Variants in AMPH observed in about 807,000 individuals in gnomAD.
AMPH encodes amphiphysin (Stiff-Mann syndrome with breast cancer 128kD autoantigen).
A neutral mutation model predicts 99.1 loss-of-function variants in AMPH; 49 were observed. The observed-to-expected ratio is 0.49, with a 90% CI of 0.39 to 0.63. AMPH has a LOEUF of 0.63. Ranked by LOEUF, AMPH falls within the 20% of genes least tolerant of loss-of-function variation. The probability of loss-of-function intolerance (pLI) is 0.00; values close to 1 mark genes in which losing one functional copy is unlikely to be tolerated. For synonymous variants in AMPH, 314 were observed against 317.3 expected, an observed-to-expected ratio of 0.99 and a Z score of 0.11; for missense variants, 759 against 863.4, an observed-to-expected ratio of 0.88 and a Z score of 1.52.
At position 38,603,902 on chromosome 7, in the gene AMPH, A is replaced by G. The variant is rs1793341771; in HGVS notation, c.69+27381T>C. The stretch of plus-strand genomic sequence containing the variant: ...AGCAAAAATAAGAAAAGAGATGCAC[A>G]TTTTGACAAATCTGACAAACATGTG... On this transcript the variant is annotated intron_variant, in intron 1 of 20. Coordinates refer to ENST00000356264, the MANE Select transcript of AMPH (RefSeq NM_001635.4). Among the ~76,000 whole-genome samples the G allele has an allele frequency of 4.6e-5, 7 of 152,270 alleles. No homozygotes were observed. The South Asian group carries it at 1.4e-3, about 31-fold the overall frequency.
At chr7:38,518,288 T>G (rs1261854387) in intron 2 of AMPH, among the ~76,000 whole-genome samples, 5 of 152,290 alleles carry the variant, frequency 3.3e-5, no homozygotes, top group African/African-American at 1.2e-4. Flanking sequence ...AGCAGAGGTG[T>G]CACAGAATCT....
intron 1 of AMPH, among the ~76,000 whole-genome samples, chr7:38,538,588 C>T (rs946918105): frequency 6.6e-6 from 1 of 152,246 alleles, no homozygotes; most frequent in East Asian, 1.9e-4. Flanking sequence ...GTCTGCACTC[C>T]TTGGTGACAA....
At position 38,463,103 on chromosome 7, in the gene AMPH, G is replaced by A. The variant is rs746826863; in HGVS notation, c.760C>T (p.Pro254Ser). 1 of 1,613,656 alleles carries A rather than the reference G, an allele frequency of 6.2e-7. No homozygotes were observed. Among genetic ancestry groups the A allele is most frequent in the African/African-American group, 1.3e-5 (1 of 75,028 alleles). The change falls in exon 10 of 21, where the codon CCT becomes TCT. Residue 254 changes from proline (P) to serine (S), a missense_variant. Physicochemically the swap from Pro to Ser is moderately conservative, Grantham distance 74 (BLOSUM62 -1). This residue lies in a region of AMPH where 554 missense variants were observed against 575.6 expected (regional missense o/e 0.96). Coordinates refer to ENST00000356264, the MANE Select transcript of AMPH (RefSeq NM_001635.4). The part of the protein sequence containing the change: ...TIQGAPSDSG[P>S]LRIAKTPSPP... ...GATGGTGTCTTTGCAATGCGGAGAG[G>A]ACCCGAATCACTAGAGGAACACAGG...
At chr7:38,514,517 C>T (rs4723764) in intron 2 of AMPH, among the ~76,000 whole-genome samples, 16,070 of 152,160 alleles carry the variant, frequency 0.11, 1,240 homozygotes, top group East Asian at 0.28. Context: ...ATTTAATTGC[C>T]GTTGTAACAG....
intron 1 of AMPH, among the ~76,000 whole-genome samples, chr7:38,558,670 T>C (rs1791452372): frequency 6.6e-6 from 1 of 152,158 alleles, no homozygotes; most frequent in Non-Finnish European, 1.5e-5. Flanking sequence ...TTAAGAGATA[T>C]AAAACAACAT....
rs1378503032 is a variant in AMPH, at chr7:38,571,116, AGT to A, written c.70-36107_70-36106del. Among the ~76,000 whole-genome samples the A allele has an allele frequency of 5.4e-5, 4 of 74,618 alleles. 1 individual carries two copies. The highest frequency in any genetic ancestry group is 9.0e-5 in the Non-Finnish European group (4 of 44,402). The allele number at this position is 74,618 out of a possible 152,430, so 49.0% of individuals were successfully genotyped here. A position where few individuals can be genotyped will look rare whatever the true frequency, so the allele number is the denominator to read the frequency against. Reference sequence around the variant, plus strand: ...ATTGAATATATATATTCATATATACAGTATATATGAATATATATATTTTTATA... The same window carrying A: ...ATTGAATATATATATTCATATATACAATATATGAATATATATATTTTTATA... On this transcript the variant is annotated intron_variant, in intron 1 of 20. Transcript: ENST00000356264.
chr7:38,510,619 C>T (rs1789501964), intron 2 of AMPH, among the ~76,000 whole-genome samples: 1 of 152,062 alleles, frequency 6.6e-6, no homozygotes, highest in Non-Finnish European at 1.5e-5. Context: ...GAGAACTTGC[C>T]CAAAGTCACA....
chr7:38,505,980 T>C (rs1354533781), intron 2 of AMPH, among the ~76,000 whole-genome samples: 1 of 152,212 alleles, frequency 6.6e-6, no homozygotes, highest in African/African-American at 2.4e-5. Flanking sequence ...GCTGTAGGAC[T>C]GTAGACAATG....
At chr7:38,560,927 T>C (rs1791532375) in intron 1 of AMPH, among the ~76,000 whole-genome samples, 1 of 152,234 alleles carries the variant, frequency 6.6e-6, no homozygotes, top group South Asian at 2.1e-4. Flanking sequence ...GGCTAAATGA[T>C]ATGTTATATT....
At chr7:38,418,877 T>C (rs1326463237) in intron 16 of AMPH, among the ~76,000 whole-genome samples, 3 of 152,136 alleles carry the variant, frequency 2.0e-5, no homozygotes, top group African/African-American at 4.8e-5. Context: ...AAGGCCTTTT[T>C]AGTTTTAAAA....
chr7:38,432,865 T>G (rs1025292655), intron 12 of AMPH, among the ~76,000 whole-genome samples: 1 of 152,160 alleles, frequency 6.6e-6, no homozygotes, highest in Non-Finnish European at 1.5e-5. Flanking sequence ...CCCTAAGACA[T>G]GAATGAATTA....
chr7:38,625,398 A>C (rs1384393238), intron 1 of AMPH, among the ~76,000 whole-genome samples: 1 of 152,218 alleles, frequency 6.6e-6, no homozygotes, highest in Non-Finnish European at 1.5e-5. Context: ...AAAATAAGCA[A>C]ATTTTTAAAG....
intron 3 of AMPH, among the ~76,000 whole-genome samples, chr7:38,497,539 T>C (rs1309950398): frequency 6.6e-6 from 1 of 152,230 alleles, no homozygotes; most frequent in African/African-American, 2.4e-5. Flanking sequence ...ACTTGTTGCA[T>C]AGATTGCACT....
intron 17 of AMPH, among the ~76,000 whole-genome samples, chr7:38,397,519 G>A (rs1367672552): frequency 1.3e-5 from 2 of 152,110 alleles, no homozygotes; most frequent in African/African-American, 4.8e-5. Flanking sequence ...AATAAAAATG[G>A]ATTAAATACT....
intron 9 of AMPH, chr7:38,464,106 G>A (rs757220422): frequency 1.2e-5 from 15 of 1,289,470 alleles, no homozygotes; most frequent in Non-Finnish European, 1.4e-5. Context: ...TTCTGCAGAG[G>A]AATGTTGAAA....
chr7:38,593,772 T>C (rs1792946079), intron 1 of AMPH, among the ~76,000 whole-genome samples: 1 of 152,198 alleles, frequency 6.6e-6, no homozygotes, highest in Non-Finnish European at 1.5e-5. Flanking sequence ...AGAGCTTGCA[T>C]TCAACTGGGT....
Position 38,461,155 on chromosome 7 carries a change from A to G in AMPH, c.1017+128T>C, listed in dbSNP as rs929424929. 3.6e-6 allele frequency: 4 copies of G among 1,109,076 alleles called. No homozygotes were observed. In the African/African-American group the frequency reaches 6.3e-5, roughly 17 times the overall value. 68.7% of individuals were successfully genotyped at this position (1,109,076 alleles called of 1,614,324 possible). A position where few individuals can be genotyped will look rare whatever the true frequency, so the allele number is the denominator to read the frequency against. On this transcript the variant is annotated intron_variant, in intron 11 of 20. Transcript: ENST00000356264. ...GCTTCAGACTAACCAAGTAATTAAAACAAGCCTGAATGACAATTAAAATTA... is the reference window on the plus strand; with the variant it reads ...GCTTCAGACTAACCAAGTAATTAAAGCAAGCCTGAATGACAATTAAAATTA...
intron 1 of AMPH, among the ~76,000 whole-genome samples, chr7:38,566,079 C>A (rs577369499): frequency 1.3e-5 from 2 of 152,102 alleles, no homozygotes; most frequent in African/African-American, 4.8e-5. Flanking sequence ...CTTTCCCTTA[C>A]TCTCTGTTTT....
intron 17 of AMPH, among the ~76,000 whole-genome samples, chr7:38,398,896 C>T (rs187035538): frequency 2.2e-4 from 33 of 152,314 alleles, no homozygotes; most frequent in Non-Finnish European, 3.5e-4. Context: ...GTGACACCAA[C>T]CACCAGCAGG....
Sources: allele counts gnomAD v4.1 joint callset (sites outside exome capture counted in the v4.1 genomes callset), GRCh38; gene constraint gnomAD v4.1.1; regional missense constraint gnomAD v4.1.1; transcripts MANE v1.5; gene names NCBI Gene and HGNC (gene_info 2026-07-23, HGNC 2026-07-21).